Variants in SPTLC1 observed in about 807,000 individuals in gnomAD.
SPTLC1 encodes serine palmitoyltransferase long chain base subunit 1.
A neutral mutation model predicts 68.9 loss-of-function variants in SPTLC1; 55 were observed. That is an observed-to-expected ratio of 0.80 (90% CI 0.64 to 1.00). SPTLC1 has a LOEUF of 1.00. Ranked by LOEUF, SPTLC1 falls within the 50% of genes least tolerant of loss-of-function variation. SPTLC1 has a pLI of 0.00. For synonymous variants in SPTLC1, 197 were observed against 201.6 expected (o/e 0.98, Z 0.19); for missense variants, 449 against 573.1 (o/e 0.78, Z 2.21).
chr9:92,053,091 G>A (rs1833763588), intron 8 of SPTLC1, among the ~76,000 whole-genome samples: 1 of 150,622 alleles, frequency 6.6e-6, no homozygotes, highest in African/African-American at 2.4e-5. Flanking sequence ...GAATAGATAT[G>A]TCTCCAAAGG....
At chr9:92,071,530 C>T (rs746239710) in intron 5 of SPTLC1, among the ~76,000 whole-genome samples, 13 of 152,198 alleles carry the variant, frequency 8.5e-5, no homozygotes, top group Admixed American at 2.6e-4. Flanking sequence ...TTTTCACATG[C>T]GGTATCTTAT....
rs915207472 is a variant in SPTLC1, at chr9:92,034,814, G to C, written c.1324C>G (p.Pro442Ala). 3.1e-6 allele frequency: 5 copies of C among 1,613,838 alleles called. No homozygotes were observed. The highest frequency in any genetic ancestry group is 4.2e-6 in the Non-Finnish European group (5 of 1,179,816). The change falls in exon 14 of 15, where the codon CCC becomes GCC. Residue 442 changes from proline to alanine, a missense_variant. Around this residue, in one of 3 missense-constraint regions of SPTLC1, gnomAD observed 391 missense variants for 472.1 expected, o/e 0.83. Coordinates refer to ENST00000262554, the MANE Select transcript of SPTLC1 (RefSeq NM_006415.4). ...LEKEEKCLPPPSIRVVVTVEQ... is the reference protein window; with the variant it reads ...LEKEEKCLPPASIRVVVTVEQ... ...CATATTTTAACGTCAACTGACCTGG[G>C]AGGAGGGAGACACTTCTCTTCTTTC...
At chr9:92,082,012 G>C (rs1384407825) in intron 3 of SPTLC1, among the ~76,000 whole-genome samples, 1 of 152,120 alleles carries the variant, frequency 6.6e-6, no homozygotes, top group Non-Finnish European at 1.5e-5. Flanking sequence ...AAAAAACCAT[G>C]GGTTATAGAG....
In SPTLC1 at chr9:92,112,480, T is replaced by C; in HGVS notation, c.140A>G (p.Gln47Arg). ...CTTGACTGTAAGATCAGATCGTTCT[T>C]GTAATTTGTAAGTCTTAGAGAAAAG... ...RLLFSKTYKL[Q>R]ERSDLTVKEK... Residue 47 changes from glutamine to arginine, a missense_variant, in exon 2 of 15, where the codon CAA becomes CGA. Gln to Arg is a conservative substitution (Grantham distance 43). Transcript: ENST00000262554. 3 of 1,608,450 alleles carry C rather than the reference T, an allele frequency of 1.9e-6. No homozygotes were observed. The highest frequency in any genetic ancestry group is 2.2e-5 in the East Asian group (1 of 44,784).
At chr9:92,094,594 T>G (rs1276550487) in intron 3 of SPTLC1, among the ~76,000 whole-genome samples, 1 of 152,228 alleles carries the variant, frequency 6.6e-6, no homozygotes, top group Non-Finnish European at 1.5e-5. Context: ...TTTCTGAGAT[T>G]ATCTGACATG....
chr9:92,094,384 T>C (rs370520803), intron 3 of SPTLC1, among the ~76,000 whole-genome samples: 2 of 152,236 alleles, frequency 1.3e-5, no homozygotes, highest in Admixed American at 6.5e-5. Context: ...CAAAGGTCTA[T>C]TATACATTCT....
At chr9:92,070,933 C>T (rs1327392576) in intron 5 of SPTLC1, among the ~76,000 whole-genome samples, 1 of 152,236 alleles carries the variant, frequency 6.6e-6, no homozygotes, top group East Asian at 1.9e-4. Context: ...CAATAAGAGC[C>T]ACTTGTTCAG....
chr9:92,094,747 A>G (rs1835472867), intron 3 of SPTLC1, among the ~76,000 whole-genome samples: 1 of 152,248 alleles, frequency 6.6e-6, no homozygotes, highest in South Asian at 2.1e-4. Flanking sequence ...TCTGACAAAG[A>G]GATCTTCAAA....
At chr9:92,045,497 A>T (rs940624917) in intron 12 of SPTLC1, among the ~76,000 whole-genome samples, 5 of 131,234 alleles carry the variant, frequency 3.8e-5, no homozygotes, top group African/African-American at 1.6e-4. Flanking sequence ...AAGTATAATA[A>T]AAAAAAAAAA....
At chr9:92,051,253 C>A (rs1322799941) in intron 8 of SPTLC1, 1 of 984,446 alleles carries the variant, frequency 1.0e-6, no homozygotes, top group Non-Finnish European at 1.2e-6. Context: ...TATTTTGAAT[C>A]CTTATTCAAT....
chr9:92,067,429 G>A (rs761071765), intron 6 of SPTLC1, among the ~76,000 whole-genome samples: 61 of 152,232 alleles, frequency 4.0e-4, no homozygotes, highest in Non-Finnish European at 1.6e-4. Context: ...CCAGCTGCCT[G>A]GGGCCTGCCA....
At chr9:92,102,113 G>A (rs1356711425) in intron 3 of SPTLC1, among the ~76,000 whole-genome samples, 2 of 152,188 alleles carry the variant, frequency 1.3e-5, no homozygotes, top group Non-Finnish European at 2.9e-5. Context: ...TTGAAGGCTA[G>A]GAAAGATGAG....
In SPTLC1 at chr9:92,031,386, A is replaced by G. The variant is rs1832961623; in HGVS notation, c.*1079T>C. ...ATTTTATTCTTCTACCTTTAACAAG[A>G]GAAGGAATGATGGCATAATATTTAT... On this transcript the variant is annotated 3_prime_UTR_variant, in exon 15 of 15. Coordinates refer to ENST00000262554, the MANE Select transcript of SPTLC1 (RefSeq NM_006415.4). 6.6e-6 allele frequency: 1 copy of G among 152,506 alleles called. No homozygotes were observed. 9.4% of individuals were successfully genotyped at this position (152,506 alleles called of 1,614,324 possible).
Position 92,032,474 on chromosome 9 carries a change from G to T in SPTLC1, c.1413C>A (p.Val471=). The T allele has an allele frequency of 6.2e-7, 1 of 1,614,222 alleles. No individual in the cohort carries two copies. The highest frequency in any genetic ancestry group is 1.7e-5 in the Admixed American group (1 of 60,028). The part of the protein sequence containing the change: ...ASTIKEVAQA[V]LL ...GGTCCCGGGACTCTGCCTAGAGCAG[G>T]ACGGCCTGGGCTACCTCCTTGATGG... The change falls in exon 15 of 15, where the codon GTC becomes GTA. Residue 471 remains valine (V), a synonymous_variant. Transcript: ENST00000262554.
chr9:92,037,897 A>G (rs1024527378), intron 13 of SPTLC1, among the ~76,000 whole-genome samples: 4 of 152,158 alleles, frequency 2.6e-5, no homozygotes, highest in African/African-American at 7.2e-5. Flanking sequence ...CCAACTACAC[A>G]TAGGAAAGCC....
At chr9:92,083,315 C>T (rs1014472505) in intron 3 of SPTLC1, among the ~76,000 whole-genome samples, 5 of 152,190 alleles carry the variant, frequency 3.3e-5, no homozygotes, top group African/African-American at 1.2e-4. Flanking sequence ...AGTCCTTGCC[C>T]ATGCCTATGT....
chr9:92,094,249 T>C (rs1376553507), intron 3 of SPTLC1, among the ~76,000 whole-genome samples: 1 of 152,216 alleles, frequency 6.6e-6, no homozygotes, highest in Non-Finnish European at 1.5e-5. Flanking sequence ...AGAGGTTTAT[T>C]GTATTTCACT....
intron 12 of SPTLC1, among the ~76,000 whole-genome samples, chr9:92,040,256 G>A (rs1489464274): frequency 6.6e-6 from 1 of 151,944 alleles, no homozygotes; most frequent in Non-Finnish European, 1.5e-5. Flanking sequence ...TATAATCCCA[G>A]CTACTCGGGA....
At chr9:92,075,362 T>C (rs1834646835) in intron 5 of SPTLC1, among the ~76,000 whole-genome samples, 1 of 152,104 alleles carries the variant, frequency 6.6e-6, no homozygotes, top group Non-Finnish European at 1.5e-5. Flanking sequence ...ACCAAACCAC[T>C]CTATAAACTC....
Sources: allele counts gnomAD v4.1 joint callset (sites outside exome capture counted in the v4.1 genomes callset), GRCh38; gene constraint gnomAD v4.1.1; regional missense constraint gnomAD v4.1.1; transcripts MANE v1.5; gene names NCBI Gene and HGNC (gene_info 2026-07-23, HGNC 2026-07-21).